SLC15A4: variants seen among roughly 807,000 people sequenced by gnomAD.
SLC15A4 encodes solute carrier family 15 member 4.
In SLC15A4, 26 loss-of-function variants were observed where a neutral mutation model predicts 46.1. The observed-to-expected ratio is 0.56, with a 90% confidence interval of 0.41 to 0.78. The LOEUF (loss-of-function observed/expected upper bound fraction) is 0.78, where lower values mean the gene tolerates loss of function less well. Ranked by LOEUF, SLC15A4 falls within the 30% of genes least tolerant of loss-of-function variation. The pLI is 0.00. For missense variants in SLC15A4, 751 were observed against 755.7 expected, an observed-to-expected ratio of 0.99 and a Z score of 0.07; for synonymous variants, 370 against 333.4, an observed-to-expected ratio of 1.11 and a Z score of -1.20.
rs1005072111 is a variant in SLC15A4 at position 128,794,105 on chromosome 12, T to A, written c.*91A>T. 1.6e-6 allele frequency: 2 copies of A among 1,220,988 alleles called. No homozygotes were observed. The highest frequency in any genetic ancestry group is 3.0e-5 in the African/African-American group (2 of 65,656). 75.6% of individuals were successfully genotyped at this position (1,220,988 alleles called of 1,614,324 possible). On this transcript the variant is annotated 3_prime_UTR_variant, in exon 8 of 8. Coordinates refer to ENST00000266771, the MANE Select transcript of SLC15A4 (RefSeq NM_145648.4). ...GCAAGTTTCAGTGAAGTCAGACATT[T>A]TATGGGAATTTAAAGTCTTGCCTGT...
At position 128,814,927 on chromosome 12, in the gene SLC15A4, A is replaced by G; in HGVS notation, c.690T>C (p.Thr230=). Residue 230 remains threonine (T), a synonymous_variant, in exon 2 of 8, where the codon ACT becomes ACC. Transcript: ENST00000266771. ...VSFVTGYAIP[T]VCVGLAFVVF... is the part of the protein sequence containing the mutation. ...CCACAAAAGCAAGGCCGACGCAGACAGTGGGGATCGCATAACCAGTGACAA... is the reference window on the plus strand; with the variant it reads ...CCACAAAAGCAAGGCCGACGCAGACGGTGGGGATCGCATAACCAGTGACAA... 1.2e-6 allele frequency: 2 copies of G among 1,614,206 alleles called. No homozygotes were observed. The highest frequency in any genetic ancestry group is 1.7e-6 in the Non-Finnish European group (2 of 1,180,034).
At chr12:128,807,996 G>C in intron 5 of SLC15A4, among the ~76,000 whole-genome samples, 1 of 152,146 alleles carries the variant, frequency 6.6e-6, no homozygotes, top group East Asian at 1.9e-4. Flanking sequence ...GCTTAACACT[G>C]AATTCCTCAT....
At chr12:128,799,491 T>C in intron 6 of SLC15A4, 74 bp from the exon 7 acceptor site, 2 of 1,537,184 alleles carry the variant, frequency 1.3e-6, no homozygotes, top group South Asian at 1.2e-5. Flanking sequence ...TTTCACCTAA[T>C]ATAGCAGAGG....
At chr12:128,812,058 C>T (rs1955664722) in intron 2 of SLC15A4, among the ~76,000 whole-genome samples, 1 of 152,206 alleles carries the variant, frequency 6.6e-6, no homozygotes, top group African/African-American at 2.4e-5. Context: ...GTGTATTCTC[C>T]AGGAAAAGAG....
intron 2 of SLC15A4, among the ~76,000 whole-genome samples, chr12:128,811,873 G>A (rs1955661180): frequency 6.6e-6 from 1 of 152,138 alleles, no homozygotes; most frequent in African/African-American, 2.4e-5. Context: ...GCTTTACTGG[G>A]TTACACATAT....
intron 5 of SLC15A4, among the ~76,000 whole-genome samples, chr12:128,804,939 C>T (rs973513876): frequency 3.9e-5 from 6 of 152,112 alleles, no homozygotes; most frequent in African/African-American, 7.2e-5. Context: ...CAACCGCAGA[C>T]GAAGGCCGAT....
Position 128,810,434 on chromosome 12 carries a change from A to G in SLC15A4, c.843-323T>C, listed in dbSNP as rs1218345577. On this transcript the variant is annotated intron_variant, in intron 2 of 7. Transcript: ENST00000266771. ...CCCCAGCGCAGCTGCCAGCTCGGCA[A>G]TCTCCGTGTGGGGAGAGTCTGCAGC... The G allele has an allele frequency of 1.6e-5, 5 of 316,092 alleles. No individual in the cohort carries two copies. The Admixed American group carries it at 2.4e-4, about 15-fold the overall frequency. The allele number at this position is 316,092 out of a possible 1,614,324, so 19.6% of individuals were successfully genotyped here.
At chr12:128,798,128 C>T (rs114087208) in intron 7 of SLC15A4, among the ~76,000 whole-genome samples, 130 of 152,340 alleles carry the variant, frequency 8.5e-4, no homozygotes, top group African/African-American at 3.0e-3. Flanking sequence ...AATGACCAGC[C>T]AATCCTTTAT....
chr12:128,822,070 T>C (rs1955849577), intron 1 of SLC15A4, among the ~76,000 whole-genome samples: 1 of 152,178 alleles, frequency 6.6e-6, no homozygotes, highest in South Asian at 2.1e-4. Context: ...ACTCCTCACA[T>C]GATCCGGCCC....
chr12:128,794,389 C>G, intron 7 of SLC15A4, 33 bp from the exon 8 acceptor site: 3 of 1,591,294 alleles, frequency 1.9e-6, no homozygotes, highest in Non-Finnish European at 2.6e-6. Flanking sequence ...GGCAGGTAAG[C>G]TGCGCTGCTA....
At chr12:128,798,891 G>T (rs1205070996) in intron 7 of SLC15A4, among the ~76,000 whole-genome samples, 2 of 152,066 alleles carry the variant, frequency 1.3e-5, no homozygotes, top group Non-Finnish European at 2.9e-5. Context: ...TAAAGAAAGG[G>T]AAGCTTGGGG....
In SLC15A4 at chr12:128,823,791, G is replaced by C. The variant is rs745867865; in HGVS notation, c.153C>G (p.Phe51Leu). The change falls in exon 1 of 8, where the codon TTC becomes TTG. Residue 51 changes from phenylalanine to leucine, a missense_variant. Coordinates refer to ENST00000266771, the MANE Select transcript of SLC15A4 (RefSeq NM_145648.4). The stretch of plus-strand genomic sequence containing the variant: ...GCACCAGGTTGGACGTGATGCCGTA[G>C]AAAGCGGCGCGCTCCAGCAGCTCCG... ...LLTELLERAA[F>L]YGITSNLVLF... The C allele has an allele frequency of 2.0e-6, 3 of 1,507,894 alleles. No individual in the cohort carries two copies. In the South Asian group the frequency reaches 3.7e-5, roughly 18 times the overall value. 93.4% of individuals were successfully genotyped at this position (1,507,894 alleles called of 1,614,324 possible).
In SLC15A4 at chr12:128,799,338, G is replaced by A. The variant is rs141853061; in HGVS notation, c.1494C>T (p.Val498=). The A allele has an allele frequency of 6.2e-6, 10 of 1,613,990 alleles. No individual in the cohort carries two copies. The highest frequency in any genetic ancestry group is 3.3e-5 in the South Asian group (3 of 91,076). The change falls in exon 7 of 8, where the codon GTC becomes GTT. Residue 498 remains valine (V), a synonymous_variant. Coordinates refer to ENST00000266771, the MANE Select transcript of SLC15A4 (RefSeq NM_145648.4). The part of the protein sequence containing the change: ...IMGLFFFFSG[V]GSFVGSGLLA... Reference sequence around the variant, plus strand: ...GCAGTCCAGAACCCACGAACGACCCGACGCCAGAGAAGAAAAAGAACAAGC... The same window carrying A: ...GCAGTCCAGAACCCACGAACGACCCAACGCCAGAGAAGAAAAAGAACAAGC...
intron 6 of SLC15A4, among the ~76,000 whole-genome samples, chr12:128,799,904 G>A (rs1955495059): frequency 6.6e-6 from 1 of 152,076 alleles, no homozygotes; most frequent in Admixed American, 6.6e-5. Flanking sequence ...TGCAATGGCA[G>A]GATCTTGGCT....
chr12:128,805,358 T>A (rs1955571889), intron 5 of SLC15A4, among the ~76,000 whole-genome samples: 2 of 152,280 alleles, frequency 1.3e-5, no homozygotes, highest in South Asian at 4.1e-4. Flanking sequence ...CTATATTATT[T>A]GAAGACAAAG....
intron 4 of SLC15A4, 101 bp downstream of exon 4, chr12:128,809,295 G>T (rs558219935): frequency 1.4e-6 from 1 of 735,490 alleles, no homozygotes. Flanking sequence ...CTTTTGTGTC[G>T]GTGCTGTTAA....
At position 128,809,656 on chromosome 12, in the gene SLC15A4, C is replaced by G. The variant is rs561152210; in HGVS notation, c.1012-183G>C. On this transcript the variant is annotated intron_variant, in intron 3 of 7. Transcript: ENST00000266771. ...GGTCATCGTAAAGTCCTCTGGAGATCAATTTTGAAAAAGAATGGCCAGTTA... is the reference window on the plus strand; with the variant it reads ...GGTCATCGTAAAGTCCTCTGGAGATGAATTTTGAAAAAGAATGGCCAGTTA... The G allele has an allele frequency of 2.9e-5, 16 of 551,592 alleles. No homozygotes were observed. In the East Asian group the frequency reaches 4.5e-4, roughly 15 times the overall value. 34.2% of individuals were successfully genotyped at this position (551,592 alleles called of 1,614,324 possible).
intron 7 of SLC15A4, among the ~76,000 whole-genome samples, chr12:128,795,703 A>G (rs944510339): frequency 6.6e-6 from 1 of 152,176 alleles, no homozygotes; most frequent in African/African-American, 2.4e-5. Context: ...TCACCACTCA[A>G]TGTGCAGACG....
chr12:128,823,597 C>A lies in SLC15A4; in HGVS notation c.347G>T (p.Gly116Val). 1 of 1,457,628 alleles carries A rather than the reference C, an allele frequency of 6.9e-7. No individual in the cohort carries two copies. The highest frequency in any genetic ancestry group is 1.3e-5 in the South Asian group (1 of 75,114). The allele number at this position is 1,457,628 out of a possible 1,614,324, so 90.3% of individuals were successfully genotyped here. Residue 116 changes from glycine to valine, a missense_variant, in exon 1 of 8, where the codon GGC becomes GTC. Transcript: ENST00000266771. The stretch of plus-strand genomic sequence containing the variant: ...GGCCAGCAGCGGGAAGGCCAGCATG[C>A]CCAGCAGGTAGAGCGCCAGGCTCAG... The part of the protein sequence containing the change: ...ILLSLALYLL[G>V]MLAFPLLAAP...
Sources: gnomAD v4.1 joint callset for allele counts (sites outside exome capture counted in the v4.1 genomes callset) on GRCh38, gnomAD v4.1.1 for gene constraint, MANE v1.5 for transcripts, NCBI Gene and HGNC (gene_info 2026-07-23, HGNC 2026-07-21) for gene names.